The following SEMA3A variants were observed in gnomAD, a reference collection of about 807,000 sequenced individuals.
SEMA3A encodes semaphorin 3A, also known as semaphorin-3A.
Under a neutral mutation model 97.9 loss-of-function variants are expected in SEMA3A, and 29 were observed. That is an observed-to-expected ratio of 0.30 (90% CI 0.22 to 0.40). SEMA3A has a LOEUF of 0.40. Ranked by LOEUF, SEMA3A falls within the 10% of genes least tolerant of loss-of-function variation. The probability of loss-of-function intolerance (pLI) is 1.00; values close to 1 mark genes in which losing one functional copy is unlikely to be tolerated. For missense variants in SEMA3A, 763 were observed against 951.3 expected, an observed-to-expected ratio of 0.80 and a Z score of 2.60; for synonymous variants, 321 against 323.7, an observed-to-expected ratio of 0.99 and a Z score of 0.09.
At chr7:84,394,948 G>A (rs1413143130) in intron 1 of SEMA3A, among the ~76,000 whole-genome samples, 9 of 152,076 alleles carry the variant, frequency 5.9e-5, no homozygotes, top group East Asian at 3.8e-4. Flanking sequence ...CTTTGTTAAG[G>A]CACCAAGCCC....
At chr7:84,002,265 T>A (rs971385571) in intron 11 of SEMA3A, among the ~76,000 whole-genome samples, 3 of 152,160 alleles carry the variant, frequency 2.0e-5, no homozygotes, top group African/African-American at 7.2e-5. Flanking sequence ...CTTGGAATAA[T>A]AAAAGATTGA....
intron 3 of SEMA3A, among the ~76,000 whole-genome samples, chr7:84,203,500 G>GTATATATATATATATA (rs1554345503): frequency 1.5e-4 from 11 of 74,650 alleles, no homozygotes; most frequent in African/African-American, 3.3e-4. Context: ...CTTTGTGTGT[G>GTATATATATATATATA]TGTATATATA....
chr7:84,170,269 C>G (rs991895580), intron 1 of SEMA3A, among the ~76,000 whole-genome samples: 3 of 151,860 alleles, frequency 2.0e-5, no homozygotes, highest in Non-Finnish European at 4.4e-5. Context: ...TTATAAAAGC[C>G]TTAACATTTC....
At chr7:84,483,774 A>G (rs1057491698) in intron 1 of SEMA3A, among the ~76,000 whole-genome samples, 4 of 152,052 alleles carry the variant, frequency 2.6e-5, no homozygotes, top group Non-Finnish European at 5.9e-5. Flanking sequence ...GTCAGGCACA[A>G]TGGCTCACGC....
intron 4 of SEMA3A, among the ~76,000 whole-genome samples, chr7:84,087,648 T>C (rs1794422021): frequency 6.6e-6 from 1 of 152,168 alleles, no homozygotes; most frequent in South Asian, 2.1e-4. Context: ...GACATCTAAG[T>C]AGAGATGTAG....
chr7:83,963,345 T>A lies in SEMA3A; in HGVS notation c.1720A>T (p.Asn574Tyr), dbSNP rs1304849898. The A allele has an allele frequency of 6.2e-7, 1 of 1,611,962 alleles. No individual in the cohort carries two copies. The highest frequency in any genetic ancestry group is 8.5e-7 in the Non-Finnish European group (1 of 1,178,998). Residue 574 changes from asparagine to tyrosine, a missense_variant and splice_region_variant, in exon 16 of 17, where the codon AAT becomes TAT. This residue lies in a region of SEMA3A where 678 missense variants were observed against 881.3 expected (regional missense o/e 0.77). Transcript: ENST00000265362. Reference sequence around the variant, plus strand: ...TCTTCAGGGCTGTGGCCATGGTGATTATCTGGCCAGTGATGAGAAAATGCA... The same window carrying A: ...TCTTCAGGGCTGTGGCCATGGTGATAATCTGGCCAGTGATGAGAAAATGCA... Reference protein sequence around the residue: ...LTHCSDLHHDNHHGHSPEERI... With the variant: ...LTHCSDLHHDYHHGHSPEERI...
At chr7:84,350,799 T>C (rs556848424) in intron 2 of SEMA3A, among the ~76,000 whole-genome samples, 80 of 152,256 alleles carry the variant, frequency 5.3e-4, no homozygotes, top group African/African-American at 1.7e-3. Context: ...TTTTCATAAC[T>C]TGTATTTCTC....
At chr7:84,474,632 T>C (rs559051936) in intron 1 of SEMA3A, among the ~76,000 whole-genome samples, 112 of 152,262 alleles carry the variant, frequency 7.4e-4, no homozygotes, top group African/African-American at 2.5e-3. Flanking sequence ...AGCTGAGTTA[T>C]TACTACCTGA....
intron 1 of SEMA3A, among the ~76,000 whole-genome samples, chr7:84,434,797 A>G (rs1325488725): frequency 1.3e-5 from 2 of 152,208 alleles, no homozygotes; most frequent in Non-Finnish European, 2.9e-5. Flanking sequence ...AAAGCCTTCA[A>G]TAAAATCCAA....
intron 15 of SEMA3A, among the ~76,000 whole-genome samples, chr7:83,966,392 C>T (rs935630393): frequency 6.6e-6 from 1 of 152,096 alleles, no homozygotes; most frequent in Non-Finnish European, 1.5e-5. Flanking sequence ...TACTTTCTCA[C>T]CTAAATAAGG....
At chr7:84,036,481 T>TA (rs1791943684) in intron 6 of SEMA3A, among the ~76,000 whole-genome samples, 1 of 152,066 alleles carries the variant, frequency 6.6e-6, no homozygotes, top group South Asian at 2.1e-4. Context: ...TGGGAGGACT[T>TA]ATATCAGCAG....
intron 1 of SEMA3A, among the ~76,000 whole-genome samples, chr7:84,393,057 C>T (rs147569582): frequency 6.6e-6 from 1 of 152,186 alleles, no homozygotes; most frequent in Non-Finnish European, 1.5e-5. Context: ...GATATAATCG[C>T]ATTTGTCTAT....
At chr7:84,327,848 T>C (rs1356958418) in intron 2 of SEMA3A, among the ~76,000 whole-genome samples, 1 of 151,964 alleles carries the variant, frequency 6.6e-6, no homozygotes, top group Non-Finnish European at 1.5e-5. Flanking sequence ...CTTTGATAAA[T>C]GGATAATCAT....
intron 3 of SEMA3A, among the ~76,000 whole-genome samples, chr7:84,274,314 G>A (rs1270234656): frequency 1.3e-5 from 2 of 152,038 alleles, no homozygotes; most frequent in East Asian, 3.9e-4. Flanking sequence ...CCTTTGGTCA[G>A]TAAACAATCC....
chr7:84,315,062 C>T (rs764906075), intron 2 of SEMA3A, among the ~76,000 whole-genome samples: 9 of 152,032 alleles, frequency 5.9e-5, no homozygotes, highest in Admixed American at 1.3e-4. Context: ...ACTGTTCTAG[C>T]TGGTGGAATG....
At chr7:84,338,065 CAT>C (rs1031260466) in intron 2 of SEMA3A, among the ~76,000 whole-genome samples, 13 of 151,852 alleles carry the variant, frequency 8.6e-5, no homozygotes, top group Admixed American at 8.5e-4. Context: ...CACACTTATA[CAT>C]ATATATACAC....
At chr7:84,432,758 A>T (rs1805015085) in intron 1 of SEMA3A, among the ~76,000 whole-genome samples, 1 of 151,904 alleles carries the variant, frequency 6.6e-6, no homozygotes, top group South Asian at 2.1e-4. Context: ...CATGGTGCAT[A>T]TGTGCCATAT....
In SEMA3A at chr7:84,376,520, C is replaced by T. The variant is rs911610381; in HGVS notation, c.-245-4620G>A. On this transcript the variant is annotated intron_variant, in intron 1 of 3. Coordinates refer to the SEMA3A transcript ENST00000424555. ...TTGGGAGGCTGAGGCAGGAGAATGG[C>T]GTGAACCCGGGAGGCGGAGCTTGCA... Among the ~76,000 whole-genome samples, 171 of 114,102 alleles carry T rather than the reference C, an allele frequency of 1.5e-3. 18 individuals are homozygous for T. The highest frequency in any genetic ancestry group is 5.3e-3 in the Middle Eastern group (1 of 188). 74.9% of individuals were successfully genotyped at this position (114,102 alleles called of 152,430 possible).
intron 5 of SEMA3A, among the ~76,000 whole-genome samples, chr7:84,051,612 T>G (rs1484963332): frequency 6.6e-6 from 1 of 152,178 alleles, no homozygotes; most frequent in Non-Finnish European, 1.5e-5. Context: ...GATTTTGGGC[T>G]GAGACAATGG....
Sources: gnomAD v4.1 joint callset for allele counts (sites outside exome capture counted in the v4.1 genomes callset) on GRCh38, gnomAD v4.1.1 for gene constraint, gnomAD v4.1.1 regional missense constraint, MANE v1.5 for transcripts, NCBI Gene and HGNC (gene_info 2026-07-23, HGNC 2026-07-21) for gene names.